ANO10: variants seen among roughly 807,000 people sequenced by gnomAD.
ANO10 encodes anoctamin 10, also known as anoctamin-10.
In ANO10, 77 loss-of-function variants were observed where a neutral mutation model predicts 74.7. That is an observed-to-expected ratio of 1.03 (90% CI 0.86 to 1.25). ANO10 has a LOEUF of 1.25. ANO10 is among the 50% of genes most tolerant of loss of function. ANO10 has a pLI of 0.00. For synonymous variants in ANO10, 279 were observed against 284.9 expected (o/e 0.98, Z 0.21); for missense variants, 721 against 778.1 (o/e 0.93, Z 0.87).
intron 12 of ANO10, among the ~76,000 whole-genome samples, chr3:43,428,813 A>T (rs1017666667): frequency 6.6e-6 from 1 of 150,990 alleles, no homozygotes; most frequent in African/African-American, 2.4e-5. Context: ...AAAAAAAAAA[A>T]AAAAAGTCAT....
chr3:43,514,786 C>CT (rs1559636175), intron 11 of ANO10, among the ~76,000 whole-genome samples: 1 of 152,086 alleles, frequency 6.6e-6, no homozygotes, highest in Non-Finnish European at 1.5e-5. Flanking sequence ...TTTTCTCTGA[C>CT]TACAATGTAA....
At chr3:43,421,293 G>T (rs1379948848) in intron 12 of ANO10, among the ~76,000 whole-genome samples, 2 of 152,112 alleles carry the variant, frequency 1.3e-5, no homozygotes, top group Non-Finnish European at 2.9e-5. Context: ...GGCCAATGTG[G>T]GTGAATTGCT....
chr3:43,526,119 C>T (rs1337682229), intron 11 of ANO10, among the ~76,000 whole-genome samples: 3 of 152,108 alleles, frequency 2.0e-5, no homozygotes, highest in African/African-American at 7.2e-5. Context: ...AATGATGAAA[C>T]CTTAAAAAGG....
chr3:43,465,821 T>A (rs930791743), intron 11 of ANO10, among the ~76,000 whole-genome samples: 3 of 152,082 alleles, frequency 2.0e-5, no homozygotes, highest in Non-Finnish European at 4.4e-5. Flanking sequence ...CTATAAAATA[T>A]TGTTGTGAAA....
chr3:43,620,426 A>G (rs993639719), intron 1 of ANO10, among the ~76,000 whole-genome samples: 1 of 152,228 alleles, frequency 6.6e-6, no homozygotes, highest in African/African-American at 2.4e-5. Context: ...TACATGTGGC[A>G]AAACTACAGA....
intron 11 of ANO10, among the ~76,000 whole-genome samples, chr3:43,527,980 G>C (rs916497559): frequency 6.6e-6 from 1 of 152,042 alleles, no homozygotes; most frequent in Admixed American, 6.6e-5. Flanking sequence ...AAGATTATCG[G>C]AAAGAAGAAA....
chr3:43,469,634 C>T (rs2075772624), intron 11 of ANO10, among the ~76,000 whole-genome samples: 1 of 152,164 alleles, frequency 6.6e-6, no homozygotes, highest in South Asian at 2.1e-4. Context: ...GCACAGGTAT[C>T]ACAGTCAAAG....
In ANO10 at chr3:43,555,376, A is replaced by C; in HGVS notation, c.1570T>G (p.Leu524Val). The change falls in exon 10 of 13, where the codon TTA becomes GTA. Residue 524 changes from leucine (L) to valine (V), a missense_variant. Leu to Val is a conservative substitution (Grantham distance 32). Coordinates refer to ENST00000292246, the MANE Select transcript of ANO10 (RefSeq NM_018075.5). ...VYPLAAAFAV[L>V]NNFTEVNSDA... ...GAATTTACTTCAGTGAAGTTATTTA[A>C]CACAGCAAAGGCAGCTGCTAATGGG... The C allele has an allele frequency of 6.2e-7, 1 of 1,614,196 alleles. No homozygotes were observed. Among genetic ancestry groups the C allele is most frequent in the South Asian group, 1.1e-5 (1 of 91,090 alleles).
At chr3:43,519,368 T>C (rs962464478) in intron 11 of ANO10, among the ~76,000 whole-genome samples, 1 of 152,148 alleles carries the variant, frequency 6.6e-6, no homozygotes, top group Non-Finnish European at 1.5e-5. Flanking sequence ...TGGAGCACAC[T>C]ACTTCTTTTT....
intron 1 of ANO10, among the ~76,000 whole-genome samples, chr3:43,671,251 C>T (rs1036840097): frequency 6.6e-6 from 1 of 152,026 alleles, no homozygotes; most frequent in Admixed American, 6.6e-5. Flanking sequence ...GTTCTGAGTA[C>T]TTTTAGGAAT....
chr3:43,644,302 C>T (rs548325695), intron 1 of ANO10, among the ~76,000 whole-genome samples: 8 of 152,232 alleles, frequency 5.3e-5, no homozygotes, highest in Admixed American at 1.3e-4. Context: ...TATTTAAAAG[C>T]CCAGTTTTTC....
At chr3:43,575,306 C>G (rs1021198454) in intron 6 of ANO10, among the ~76,000 whole-genome samples, 1 of 152,158 alleles carries the variant, frequency 6.6e-6, no homozygotes, top group East Asian at 1.9e-4. Context: ...TCTATCTTCA[C>G]CTAGAAAAGG....
intron 12 of ANO10, among the ~76,000 whole-genome samples, chr3:43,390,830 G>A (rs766861944): frequency 3.7e-4 from 57 of 152,204 alleles, no homozygotes; most frequent in Non-Finnish European, 7.1e-4. Flanking sequence ...GTATTCTCAC[G>A]CAGTGTGTTC....
intron 12 of ANO10, among the ~76,000 whole-genome samples, chr3:43,397,531 T>A (rs2092404864): frequency 6.6e-6 from 1 of 152,168 alleles, no homozygotes; most frequent in African/African-American, 2.4e-5. Flanking sequence ...CAGATCTCAG[T>A]CCACAACTTA....
Position 43,403,511 on chromosome 3 carries a change from C to G in ANO10, c.1914+29100G>C, listed in dbSNP as rs959362238. 6.6e-5 allele frequency among the ~76,000 whole-genome samples: 10 copies of G among 152,242 alleles called. No individual in the cohort carries two copies. The East Asian group carries it at 7.7e-4, about 12-fold the overall frequency. ...GCAGCAGGAGAAGGGCCGGCTACTC[C>G]AAGTCTATGGGAAAGAGAAAGGCAA... On this transcript the variant is annotated intron_variant, in intron 12 of 12. Coordinates refer to ENST00000292246, the MANE Select transcript of ANO10 (RefSeq NM_018075.5).
chr3:43,524,992 T>A (rs922200113), intron 11 of ANO10, among the ~76,000 whole-genome samples: 2 of 152,014 alleles, frequency 1.3e-5, no homozygotes, highest in Non-Finnish European at 2.9e-5. Context: ...TCTTAAACAT[T>A]CTCCATGCTG....
At chr3:43,676,540 A>G (rs1010198386) in intron 1 of ANO10, among the ~76,000 whole-genome samples, 1 of 152,180 alleles carries the variant, frequency 6.6e-6, no homozygotes, top group African/African-American at 2.4e-5. Context: ...AATTATAGGA[A>G]TAGATTAGTT....
chr3:43,432,941 A>ATTATT (rs1559539096), intron 11 of ANO10, among the ~76,000 whole-genome samples: 1 of 46,568 alleles, frequency 2.1e-5, no homozygotes, highest in African/African-American at 5.9e-5. Flanking sequence ...ACTTTGCTTA[A>ATTATT]TTCTTTTTTT....
At chr3:43,550,636 T>C (rs1275491423) in intron 10 of ANO10, among the ~76,000 whole-genome samples, 2 of 152,174 alleles carry the variant, frequency 1.3e-5, no homozygotes, top group Admixed American at 6.5e-5. Flanking sequence ...TTTTGTCCCA[T>C]GGAGAACTTC....
Sources: allele counts gnomAD v4.1 joint callset (sites outside exome capture counted in the v4.1 genomes callset), GRCh38; gene constraint gnomAD v4.1.1; transcripts MANE v1.5; gene names NCBI Gene and HGNC (gene_info 2026-07-23, HGNC 2026-07-21).